Variants in ADH4 observed in about 807,000 individuals in gnomAD.
ADH4 encodes the protein alcohol dehydrogenase 4 (class II), pi polypeptide.
A neutral mutation model predicts 35.2 loss-of-function variants in ADH4; 31 were observed. The observed-to-expected ratio is 0.88, with a 90% CI of 0.66 to 1.19. The LOEUF is 1.19. Among genes scored for constraint, ADH4 ranks in the 50% most tolerant of loss-of-function variants. The pLI is 0.00. For missense variants in ADH4, 476 were observed against 458.3 expected (o/e 1.04, Z -0.35); for synonymous variants, 171 against 160.2 (o/e 1.07, Z -0.51).
At position 99,136,714 on chromosome 4, in the gene ADH4, AAG is replaced by A. The variant is rs1553956033; in HGVS notation, c.351-19_351-18del. The A allele has an allele frequency of 3.1e-5, 46 of 1,507,718 alleles. No homozygotes were observed. The highest frequency in any genetic ancestry group is 2.7e-4 in the South Asian group (24 of 87,442). 93.4% of individuals were successfully genotyped at this position (1,507,718 alleles called of 1,614,324 possible). ...TTGAGATTACTAGAAAATTAAAAAA[AAG>A]AGTGATACAAATAAAGAGAAGTTAT... is the stretch of plus-strand genomic sequence containing the variant. On this transcript the variant is annotated intron_variant, in intron 4 of 8. Coordinates refer to ENST00000265512, the MANE Select transcript of ADH4 (RefSeq NM_000670.5).
At chr4:99,127,149 C>T in intron 7 of ADH4, 60 bp downstream of exon 7, 2 of 1,412,290 alleles carry the variant, frequency 1.4e-6, no homozygotes, top group South Asian at 1.3e-5. Flanking sequence ...AACCTTCACT[C>T]TAAGAATTTC....
chr4:99,127,846 T>A (rs1336850915), intron 6 of ADH4, among the ~76,000 whole-genome samples: 8 of 138,172 alleles, frequency 5.8e-5, no homozygotes, highest in African/African-American at 2.0e-4. Flanking sequence ...AAAAAAAAAA[T>A]TATTAGTAAA....
intron 5 of ADH4, among the ~76,000 whole-genome samples, chr4:99,135,173 A>G (rs1457211942): frequency 6.6e-6 from 1 of 152,120 alleles, no homozygotes; most frequent in Non-Finnish European, 1.5e-5. Flanking sequence ...TGATGCCTGT[A>G]ATCCTAGCAC....
intron 2 of ADH4, 124 bp downstream of exon 2, chr4:99,142,555 A>G: frequency 2.2e-6 from 1 of 456,250 alleles, no homozygotes; most frequent in Non-Finnish European, 3.8e-6. Flanking sequence ...GAATCTAAAA[A>G]TACAGCTTCC....
intron 8 of ADH4, 57 bp from the exon 9 acceptor site, chr4:99,124,523 G>A (rs1220770236): frequency 8.7e-7 from 1 of 1,148,038 alleles, no homozygotes; most frequent in Non-Finnish European, 1.2e-6. Context: ...TTTAACCAAA[G>A]CTCACAAATA....
intron 4 of ADH4, among the ~76,000 whole-genome samples, chr4:99,137,813 C>T (rs1352770734): frequency 6.6e-6 from 1 of 152,152 alleles, no homozygotes; most frequent in Non-Finnish European, 1.5e-5. Context: ...TGAAGCAAAT[C>T]CCAGATATCA....
At chr4:99,136,783 G>A in intron 4 of ADH4, 86 bp from the exon 5 acceptor site, 1 of 849,526 alleles carries the variant, frequency 1.2e-6, no homozygotes, top group South Asian at 1.9e-5. Context: ...AATATGTTGA[G>A]CATTATATAT....
chr4:99,135,040 A>G (rs1258225874), intron 5 of ADH4, among the ~76,000 whole-genome samples: 2 of 152,138 alleles, frequency 1.3e-5, no homozygotes, highest in East Asian at 1.9e-4. Flanking sequence ...CAGGCTCTGG[A>G]GCTATCACAA....
At chr4:99,131,815 T>C in intron 5 of ADH4, 51 bp from the exon 6 acceptor site, 4 of 1,572,006 alleles carry the variant, frequency 2.5e-6, no homozygotes, top group South Asian at 1.2e-5. Flanking sequence ...AGTCCCACTT[T>C]TTTTCTTTTA....
chr4:99,139,609 A>G (rs1729548765), intron 3 of ADH4, among the ~76,000 whole-genome samples: 1 of 152,222 alleles, frequency 6.6e-6, no homozygotes, highest in South Asian at 2.1e-4. Flanking sequence ...TTCCAATTTA[A>G]TAGTGACTTC....
chr4:99,139,316 G>A (rs1212580845), intron 3 of ADH4, among the ~76,000 whole-genome samples, 168 bp from the exon 4 acceptor site: 2 of 152,092 alleles, frequency 1.3e-5, no homozygotes, highest in African/African-American at 4.8e-5. Context: ...ATTCCCCAAC[G>A]TATTGCATAT....
At position 99,141,993 on chromosome 4, in the gene ADH4, A is replaced by G. The variant is rs181806564; in HGVS notation, c.121-311T>C. On this transcript the variant is annotated intron_variant, in intron 2 of 8. Coordinates refer to ENST00000265512, the MANE Select transcript of ADH4 (RefSeq NM_000670.5). ...GGCTTATTGAAATGAAGTTGAGGTAATACACCTTTTACAGTTGAGAGAACA... is the reference window on the plus strand; with the variant it reads ...GGCTTATTGAAATGAAGTTGAGGTAGTACACCTTTTACAGTTGAGAGAACA... 2.8e-3 allele frequency among the ~76,000 whole-genome samples: 421 copies of G among 152,328 alleles called. 11 individuals are homozygous for G. Among genetic ancestry groups the G allele is most frequent in the Admixed American group, 0.024 (366 of 15,298 alleles).
Position 99,124,455 on chromosome 4 carries a change from A to G in ADH4, c.1130T>C (p.Ile377Thr). Residue 377 changes from isoleucine to threonine, a missense_variant, in exon 9 of 9, where the codon ATC becomes ACC. Physicochemically the swap from Ile to Thr is moderately conservative, Grantham distance 89 (BLOSUM62 -1). Coordinates refer to ENST00000265512, the MANE Select transcript of ADH4 (RefSeq NM_000670.5). The part of the protein sequence containing the change: ...LMNQGKSVRT[I>T]LIF Reference sequence around the variant, plus strand: ...CTCCTGGCATCTTCAAAAGATGAGGATTGTTCGGACGCTGTTAATAACAAT... The same window carrying G: ...CTCCTGGCATCTTCAAAAGATGAGGGTTGTTCGGACGCTGTTAATAACAAT... 3 of 1,490,794 alleles carry G rather than the reference A, an allele frequency of 2.0e-6. No homozygotes were observed. The highest frequency in any genetic ancestry group is 2.8e-6 in the Non-Finnish European group (3 of 1,079,884). The allele number at this position is 1,490,794 out of a possible 1,614,324, so 92.3% of individuals were successfully genotyped here.
chr4:99,140,197 C>T (rs1729566914), intron 3 of ADH4, among the ~76,000 whole-genome samples: 2 of 152,204 alleles, frequency 1.3e-5, no homozygotes, highest in South Asian at 4.1e-4. Flanking sequence ...ACCTCTAAGT[C>T]CTCATTCTTT....
At chr4:99,124,639 A>G (rs546574087) in intron 8 of ADH4, among the ~76,000 whole-genome samples, 173 bp from the exon 9 acceptor site, 2 of 152,184 alleles carry the variant, frequency 1.3e-5, no homozygotes, top group Non-Finnish European at 2.9e-5. Context: ...GGTGTTAATA[A>G]TATTTTATGC....
intron 4 of ADH4, among the ~76,000 whole-genome samples, chr4:99,137,114 T>G (rs1729461151): frequency 8.0e-6 from 1 of 124,938 alleles, no homozygotes; most frequent in South Asian, 3.1e-4. Context: ...TACGCCTGGC[T>G]AATTTTGTAT....
intron 3 of ADH4, 46 bp from the exon 4 acceptor site, chr4:99,139,194 A>T: frequency 7.7e-7 from 1 of 1,295,960 alleles, no homozygotes; most frequent in Non-Finnish European, 1.1e-6. Flanking sequence ...GGTGTTACTT[A>T]TAGCTTCTAC....
chr4:99,137,495 C>T (rs1420219875), intron 4 of ADH4, among the ~76,000 whole-genome samples: 2 of 152,068 alleles, frequency 1.3e-5, no homozygotes, highest in Admixed American at 1.3e-4. Flanking sequence ...CTCCTGACCT[C>T]AGGTGATCTG....
intron 6 of ADH4, among the ~76,000 whole-genome samples, chr4:99,130,871 T>A (rs1729249437): frequency 6.6e-6 from 1 of 150,910 alleles, no homozygotes; most frequent in Admixed American, 6.7e-5. Context: ...ATGCACATAT[T>A]GTTTATTAAT....
Sources: allele counts gnomAD v4.1 joint callset (sites outside exome capture counted in the v4.1 genomes callset), GRCh38; gene constraint gnomAD v4.1.1; transcripts MANE v1.5; gene names NCBI Gene and HGNC (gene_info 2026-07-23, HGNC 2026-07-21).